The following PPM1H variants were observed in gnomAD, a reference collection of about 807,000 sequenced individuals.
PPM1H encodes protein phosphatase 1H.
A neutral mutation model predicts 54.9 loss-of-function variants in PPM1H; 27 were observed. The ratio of observed to expected loss-of-function variants is 0.49; its 90% CI spans 0.36 to 0.68. The LOEUF is 0.68. Ranked by LOEUF, PPM1H falls within the 30% of genes least tolerant of loss-of-function variation. PPM1H has a pLI of 0.00. For synonymous variants in PPM1H, 305 were observed against 270.8 expected (o/e 1.13, Z -1.24); for missense variants, 596 against 667.8 (o/e 0.89, Z 1.19).
chr12:62,927,087 T>C lies in PPM1H; in HGVS notation c.245+7405A>G, dbSNP rs191442043. Reference sequence around the variant, plus strand: ...AATGAAGTATATTTCATCTATCAGATCACTGACAAATATTAAAGGCTTAAT... The same window carrying C: ...AATGAAGTATATTTCATCTATCAGACCACTGACAAATATTAAAGGCTTAAT... On this transcript the variant is annotated intron_variant, in intron 1 of 9. Transcript: ENST00000228705. Among the ~76,000 whole-genome samples the C allele has an allele frequency of 1.3e-4, 20 of 152,332 alleles. No individual in the cohort carries two copies. The East Asian group carries it at 3.7e-3, about 28-fold the overall frequency.
chr12:62,692,611 C>A (rs2076089341), intron 7 of PPM1H, among the ~76,000 whole-genome samples: 1 of 152,084 alleles, frequency 6.6e-6, no homozygotes, highest in African/African-American at 2.4e-5. Context: ...AGAATCTCAG[C>A]CCCACAAAGA....
intron 4 of PPM1H, among the ~76,000 whole-genome samples, chr12:62,775,189 G>A (rs2076602897): frequency 1.3e-5 from 2 of 152,210 alleles, no homozygotes; most frequent in Non-Finnish European, 2.9e-5. Context: ...GGTAGTAGGT[G>A]TACAAGAGTG....
In PPM1H at chr12:62,934,730, T is replaced by C; in HGVS notation, c.7A>G (p.Thr3Ala). The change falls in exon 1 of 10, where the codon ACT (threonine) becomes GCT (alanine). Residue 3 changes from threonine (T) to alanine (A), a missense_variant. Physicochemically the swap from Thr to Ala is moderately conservative, Grantham distance 58. Coordinates refer to ENST00000228705, the MANE Select transcript of PPM1H (RefSeq NM_020700.2). This position sits in a 1 kb window ranked among gnomAD's most constrained non-coding sequence, Gnocchi z 4.2. MLTRVKSAVANFM... is the reference protein window; with the variant it reads MLARVKSAVANFM... ...TTGGCCACGGCAGATTTCACTCGAGTGAGCATATTACTCCGGCGCCCGGCT... is the reference window on the plus strand; with the variant it reads ...TTGGCCACGGCAGATTTCACTCGAGCGAGCATATTACTCCGGCGCCCGGCT... 5 of 1,584,858 alleles carry C rather than the reference T, an allele frequency of 3.2e-6. No homozygotes were observed. The highest frequency in any genetic ancestry group is 4.3e-6 in the Non-Finnish European group (5 of 1,162,666).
chr12:62,749,202 A>C (rs1374136993), intron 4 of PPM1H, among the ~76,000 whole-genome samples: 1 of 152,224 alleles, frequency 6.6e-6, no homozygotes, highest in Non-Finnish European at 1.5e-5. Context: ...CAGAGCTACA[A>C]ACAAAAAGGC....
chr12:62,678,983 A>G (rs2076003303), intron 8 of PPM1H, among the ~76,000 whole-genome samples: 1 of 151,528 alleles, frequency 6.6e-6, no homozygotes, highest in Non-Finnish European at 1.5e-5. Flanking sequence ...TACCACACCC[A>G]GCCCGTATAC....
intron 6 of PPM1H, among the ~76,000 whole-genome samples, chr12:62,707,106 G>T (rs1429161788): frequency 6.6e-6 from 1 of 152,196 alleles, no homozygotes; most frequent in Non-Finnish European, 1.5e-5. Flanking sequence ...TGGAGATGGG[G>T]TGTGTAGCAT....
intron 4 of PPM1H, among the ~76,000 whole-genome samples, chr12:62,742,326 A>ACTGC (rs2076386208): frequency 6.6e-6 from 1 of 152,208 alleles, no homozygotes; most frequent in Non-Finnish European, 1.5e-5. Context: ...AGCATGTTCG[A>ACTGC]CTGCCAACCT....
At chr12:62,835,723 C>T (rs894221496) in intron 1 of PPM1H, among the ~76,000 whole-genome samples, 2 of 151,772 alleles carry the variant, frequency 1.3e-5, no homozygotes, top group Non-Finnish European at 2.9e-5. Flanking sequence ...TTTAAAGTCA[C>T]TGTGTTTAAA....
At chr12:62,831,805 A>ATATATATGTG (rs1565802849) in intron 2 of PPM1H, among the ~76,000 whole-genome samples, 4 of 150,970 alleles carry the variant, frequency 2.6e-5, no homozygotes, top group African/African-American at 9.8e-5. Context: ...ACACACACAC[A>ATATATATGTG]TATATATGTG....
chr12:62,803,505 T>C (rs1281385253), intron 2 of PPM1H, among the ~76,000 whole-genome samples: 1 of 152,118 alleles, frequency 6.6e-6, no homozygotes, highest in Non-Finnish European at 1.5e-5. Context: ...TGCAAAAGAA[T>C]GAAATTGGGC....
chr12:62,790,923 G>A (rs2076697993), intron 3 of PPM1H, among the ~76,000 whole-genome samples: 1 of 152,178 alleles, frequency 6.6e-6, no homozygotes, highest in Admixed American at 6.5e-5. Flanking sequence ...TGTGTGAGGG[G>A]CTTAGTAGGA....
chr12:62,918,322 G>A (rs1347390291), intron 1 of PPM1H, among the ~76,000 whole-genome samples: 1 of 152,178 alleles, frequency 6.6e-6, no homozygotes, highest in Non-Finnish European at 1.5e-5. Flanking sequence ...AGAAGAGTGT[G>A]AGCCTCCCAA....
At chr12:62,829,312 A>C (rs1190912904) in intron 2 of PPM1H, among the ~76,000 whole-genome samples, 1 of 152,206 alleles carries the variant, frequency 6.6e-6, no homozygotes, top group African/African-American at 2.4e-5. Flanking sequence ...GCAGTGGTCA[A>C]CTCAGAGACA....
At chr12:62,856,787 G>A (rs1389893200) in intron 1 of PPM1H, among the ~76,000 whole-genome samples, 1 of 152,100 alleles carries the variant, frequency 6.6e-6, no homozygotes, top group Admixed American at 6.5e-5. Flanking sequence ...ATCTAGTACT[G>A]CACTGAAAAT....
intron 8 of PPM1H, among the ~76,000 whole-genome samples, chr12:62,674,008 C>T (rs2075972174): frequency 6.6e-6 from 1 of 152,048 alleles, no homozygotes; most frequent in African/African-American, 2.4e-5. Context: ...CACACCACTG[C>T]ACCTGGCCTA....
intron 5 of PPM1H, among the ~76,000 whole-genome samples, chr12:62,731,670 C>T (rs1224705067): frequency 6.6e-6 from 1 of 152,220 alleles, no homozygotes; most frequent in Non-Finnish European, 1.5e-5. Flanking sequence ...CCACGTTCAT[C>T]TCTTCTATAC....
chr12:62,932,877 C>A (rs1166101789), intron 1 of PPM1H, among the ~76,000 whole-genome samples: 1 of 151,906 alleles, frequency 6.6e-6, no homozygotes, highest in Admixed American at 6.6e-5. Context: ...TCACGTGATC[C>A]GCCCGCCTCG....
intron 4 of PPM1H, among the ~76,000 whole-genome samples, chr12:62,775,304 G>C (rs1398719573): frequency 6.6e-6 from 1 of 152,194 alleles, no homozygotes; most frequent in Non-Finnish European, 1.5e-5. Flanking sequence ...AGTTCAGGGG[G>C]CTTCACAGTC....
At position 62,889,518 on chromosome 12, in the gene PPM1H, A is replaced by T. The variant is rs773383173; in HGVS notation, c.245+44974T>A. Among the ~76,000 whole-genome samples the T allele has an allele frequency of 1.1e-3, 173 of 152,100 alleles. 2 individuals are homozygous for T. The highest frequency in any genetic ancestry group is 3.4e-3 in the Middle Eastern group (1 of 294). On this transcript the variant is annotated intron_variant, in intron 1 of 9. Transcript: ENST00000228705. The stretch of plus-strand genomic sequence containing the variant: ...AAAAAATTTAAAAAATATATATATA[A>T]AAATATAATGTAAAGTTACATTTAT...
Sources: allele counts gnomAD v4.1 joint callset (sites outside exome capture counted in the v4.1 genomes callset), GRCh38; gene constraint gnomAD v4.1.1; non-coding constraint Gnocchi (gnomAD v3.1); transcripts MANE v1.5; gene names NCBI Gene and HGNC (gene_info 2026-07-23, HGNC 2026-07-21).